The following RNF38 variants were observed in gnomAD, a reference collection of about 807,000 sequenced individuals.
RNF38 encodes the protein ring finger protein 38.
In RNF38, 15 loss-of-function variants were observed where a neutral mutation model predicts 67.2. The observed-to-expected ratio is 0.22, with a 90% CI of 0.15 to 0.34. The LOEUF is 0.34. RNF38 is among the 10% of genes least tolerant of loss of function. The pLI is 1.00. For synonymous variants in RNF38, 220 were observed against 218.8 expected (o/e 1.01, Z -0.05); for missense variants, 524 against 639.9 (o/e 0.82, Z 1.95).
chr9:36,454,580 CT>C (rs377679133), intron 1 of RNF38, among the ~76,000 whole-genome samples: 5,524 of 112,354 alleles, frequency 0.049, 253 homozygotes, highest in African/African-American at 0.17. Context: ...CATTAATTTA[CT>C]TTTTTTTTTT....
chr9:36,439,890 G>A (rs1287164064), intron 1 of RNF38, among the ~76,000 whole-genome samples: 1 of 151,532 alleles, frequency 6.6e-6, no homozygotes, highest in African/African-American at 2.4e-5. Context: ...ATTTGTAACT[G>A]AGAACATTTT....
chr9:36,487,145 G>C lies in RNF38; in HGVS notation n.241+163C>G, dbSNP rs79186878. Among the ~76,000 whole-genome samples, 851 of 152,312 alleles carry C rather than the reference G, an allele frequency of 5.6e-3. 6 individuals are homozygous for C. The highest frequency in any genetic ancestry group is 0.016 in the African/African-American group (645 of 41,582). ...AAACGCTTTGTGAGCGCTCGGCGCG[G>C]CTGAGGCGCAGGGCTCGCAGGGGCT... On this transcript the variant is annotated intron_variant and non_coding_transcript_variant, in intron 1 of 3. Transcript: ENST00000488058.
rs1366069020 is a variant in RNF38, at chr9:36,337,648, G to T, written c.*2104C>A. 1 of 146,390 alleles carries T rather than the reference G, an allele frequency of 6.8e-6. No individual in the cohort carries two copies. The highest frequency in any genetic ancestry group is 1.6e-5 in the Non-Finnish European group (1 of 64,120). The allele number at this position is 146,390 out of a possible 1,614,324, so 9.1% of individuals were successfully genotyped here. A position where few individuals can be genotyped will look rare whatever the true frequency, so the allele number is the denominator to read the frequency against. ...GATGGGCTTTTGCCATTTTAAACATGATTTTTTTTCATTAAAAAAGATTAA... is the reference window on the plus strand; with the variant it reads ...GATGGGCTTTTGCCATTTTAAACATTATTTTTTTTCATTAAAAAAGATTAA... On this transcript the variant is annotated 3_prime_UTR_variant, in exon 12 of 12. Transcript: ENST00000259605.
At chr9:36,347,765 T>C (rs917376845) in intron 9 of RNF38, among the ~76,000 whole-genome samples, 1 of 152,166 alleles carries the variant, frequency 6.6e-6, no homozygotes, top group Admixed American at 6.6e-5. Context: ...AAGAGTCACA[T>C]GTGTCTCACT....
intron 10 of RNF38, among the ~76,000 whole-genome samples, chr9:36,342,983 T>C (rs1832959795): frequency 6.6e-6 from 1 of 152,222 alleles, no homozygotes; most frequent in Non-Finnish European, 1.5e-5. Flanking sequence ...TCAAATCCTT[T>C]ATATACAATG....
chr9:36,452,984 T>C (rs1343512106), intron 1 of RNF38, among the ~76,000 whole-genome samples: 1 of 152,234 alleles, frequency 6.6e-6, no homozygotes, highest in Non-Finnish European at 1.5e-5. Flanking sequence ...AGCTTCTGTG[T>C]AGACTTACGT....
At chr9:36,359,136 A>C (rs1043120099) in intron 4 of RNF38, among the ~76,000 whole-genome samples, 8 of 152,092 alleles carry the variant, frequency 5.3e-5, no homozygotes, top group African/African-American at 1.9e-4. Flanking sequence ...TCGATCCTCT[A>C]GGTTGTCATA....
At chr9:36,395,372 C>T (rs958146703) in intron 1 of RNF38, among the ~76,000 whole-genome samples, 4 of 151,244 alleles carry the variant, frequency 2.6e-5, no homozygotes, top group Admixed American at 2.6e-4. Context: ...GATACAGGTA[C>T]ATGACTTCTA....
At chr9:36,441,028 G>A (rs1839179557) in intron 1 of RNF38, among the ~76,000 whole-genome samples, 1 of 152,174 alleles carries the variant, frequency 6.6e-6, no homozygotes, top group Non-Finnish European at 1.5e-5. Flanking sequence ...AGGCTAAGTT[G>A]AGCATGGCTC....
At chr9:36,455,440 C>T (rs944519776) in intron 1 of RNF38, among the ~76,000 whole-genome samples, 4 of 152,026 alleles carry the variant, frequency 2.6e-5, no homozygotes, top group African/African-American at 9.7e-5. Context: ...TAAAAGGAGT[C>T]AACTCTCAAT....
chr9:36,466,525 T>C (rs995070779), intron 1 of RNF38, among the ~76,000 whole-genome samples: 16 of 152,336 alleles, frequency 1.1e-4, no homozygotes, highest in African/African-American at 3.6e-4. Context: ...GTTCACACTA[T>C]GATGATTCAT....
chr9:36,462,502 T>A (rs1198747958), intron 1 of RNF38, among the ~76,000 whole-genome samples: 2 of 152,006 alleles, frequency 1.3e-5, no homozygotes, highest in Non-Finnish European at 2.9e-5. Context: ...AAACAAAGTA[T>A]CCCTAATAGT....
At chr9:36,484,963 G>C (rs1352850651) in intron 1 of RNF38, among the ~76,000 whole-genome samples, 1 of 152,068 alleles carries the variant, frequency 6.6e-6, no homozygotes, top group African/African-American at 2.4e-5. Context: ...TCAGGAGATC[G>C]AGACCATCCT....
chr9:36,386,039 G>A lies in RNF38; in HGVS notation c.162+4428C>T, dbSNP rs192482281. Among the ~76,000 whole-genome samples the A allele has an allele frequency of 1.0e-3, 152 of 152,278 alleles. 1 individual carries two copies. Among genetic ancestry groups the A allele is most frequent in the Admixed American group, 3.6e-3 (55 of 15,296 alleles). On this transcript the variant is annotated intron_variant, in intron 2 of 11. Coordinates refer to ENST00000259605, the MANE Select transcript of RNF38 (RefSeq NM_022781.5). ...CGAAGCAGTGATTTTTATGCTACCA[G>A]AATAAACAAACTTATTTATCGTTGG...
At chr9:36,460,929 G>C (rs928069877) in intron 1 of RNF38, among the ~76,000 whole-genome samples, 1 of 148,038 alleles carries the variant, frequency 6.8e-6, no homozygotes, top group African/African-American at 2.6e-5. Flanking sequence ...GAAAAAAAAG[G>C]AGGCTGGTCG....
At position 36,426,761 on chromosome 9, in the gene RNF38, A is replaced by C. The variant is rs80200072; in HGVS notation, n.242-2078T>G. Reference sequence around the variant, plus strand: ...CCTCTGGCATTTTTTGAGTAGAATGACTTTGGAGTCAGACTTCAATACAAT... The same window carrying C: ...CCTCTGGCATTTTTTGAGTAGAATGCCTTTGGAGTCAGACTTCAATACAAT... On this transcript the variant is annotated intron_variant and non_coding_transcript_variant, in intron 1 of 3. Transcript: ENST00000488058. Among the ~76,000 whole-genome samples, 182 of 152,336 alleles carry C rather than the reference A, an allele frequency of 1.2e-3. 2 individuals carry two copies. The East Asian group carries it at 0.028, about 23-fold the overall frequency.
chr9:36,382,119 C>T (rs1414912614), intron 2 of RNF38, among the ~76,000 whole-genome samples: 2 of 152,210 alleles, frequency 1.3e-5, no homozygotes, highest in African/African-American at 4.8e-5. Flanking sequence ...TCTTTCCCTC[C>T]TCTCCTTGTT....
intron 1 of RNF38, among the ~76,000 whole-genome samples, chr9:36,397,247 C>T (rs1369021401): frequency 6.6e-6 from 1 of 151,562 alleles, no homozygotes; most frequent in South Asian, 2.1e-4. Context: ...TCCAGAGTAG[C>T]GGATTACAGG....
chr9:36,420,532 CAA>C (rs59641483), intron 2 of RNF38, among the ~76,000 whole-genome samples: 28 of 73,348 alleles, frequency 3.8e-4, no homozygotes, highest in East Asian at 8.2e-4. Flanking sequence ...ACTCTGTCTC[CAA>C]AAAAAAAAAA....
Sources: gnomAD v4.1 joint callset for allele counts (sites outside exome capture counted in the v4.1 genomes callset) on GRCh38, gnomAD v4.1.1 for gene constraint, MANE v1.5 for transcripts, NCBI Gene and HGNC (gene_info 2026-07-23, HGNC 2026-07-21) for gene names.